ANO6: variants seen among roughly 807,000 people sequenced by gnomAD.
ANO6 encodes the protein anoctamin 6.
A neutral mutation model predicts 117.5 loss-of-function variants in ANO6; 106 were observed. The ratio of observed to expected loss-of-function variants is 0.90; its 90% CI spans 0.77 to 1.06. The LOEUF is 1.06. Among genes scored for constraint, ANO6 ranks in the 50% least tolerant of loss-of-function variants. The probability of loss-of-function intolerance (pLI) is 0.00; values close to 1 mark genes in which losing one functional copy is unlikely to be tolerated. For missense variants in ANO6, 955 were observed against 1,121.1 expected, an observed-to-expected ratio of 0.85 and a Z score of 2.12; for synonymous variants, 367 against 385.1, an observed-to-expected ratio of 0.95 and a Z score of 0.55.
At chr12:45,345,989 G>C (rs182077728) in intron 3 of ANO6, among the ~76,000 whole-genome samples, 1 of 139,008 alleles carries the variant, frequency 7.2e-6, no homozygotes, top group Non-Finnish European at 1.5e-5. Context: ...AAAATGGGGC[G>C]GGGGGGTTAG....
downstream of ANO6, among the ~76,000 whole-genome samples, chr12:45,434,275 G>A (rs1244788095): frequency 1.3e-5 from 2 of 152,120 alleles, no homozygotes; most frequent in African/African-American, 2.4e-5. Flanking sequence ...TGTCATTGTC[G>A]CTTGAGGTGA....
intron 1 of ANO6, among the ~76,000 whole-genome samples, chr12:45,225,834 T>C (rs550268555): frequency 6.6e-6 from 1 of 152,334 alleles, no homozygotes; most frequent in South Asian, 2.1e-4. Context: ...CTGATTATAA[T>C]GAATTCAGGG....
At chr12:45,353,122 T>G (rs1941324860) in intron 7 of ANO6, among the ~76,000 whole-genome samples, 7 of 149,272 alleles carry the variant, frequency 4.7e-5, no homozygotes. Context: ...AGTTGAGTAC[T>G]TATATCAGAA....
At chr12:45,288,878 G>C (rs1338181686) in intron 1 of ANO6, among the ~76,000 whole-genome samples, 4 of 152,016 alleles carry the variant, frequency 2.6e-5, no homozygotes, top group African/African-American at 9.7e-5. Flanking sequence ...CTCCCGAGTA[G>C]CTGGGACTAC....
rs199815153 is a variant in ANO6 at position 45,278,066 on chromosome 12, C to T, written c.71-23948C>T. Among the ~76,000 whole-genome samples the T allele has an allele frequency of 1.7e-4, 26 of 152,142 alleles. No homozygotes were observed. The East Asian group carries it at 4.4e-3, about 26-fold the overall frequency. ...CTCCTAGCTCAAGCTATCCTCCCCG[C>T]TCAAACCACCCTCCACCTCGTAGCT... On this transcript the variant is annotated intron_variant, in intron 1 of 19. Coordinates refer to ENST00000320560, the MANE Select transcript of ANO6 (RefSeq NM_001025356.3).
intron 2 of ANO6, among the ~76,000 whole-genome samples, chr12:45,312,597 AAAT>A (rs1312364152): frequency 6.6e-6 from 1 of 152,088 alleles, no homozygotes; most frequent in Non-Finnish European, 1.5e-5. Context: ...TTATTTTAAC[AAAT>A]AATAATAAAA....
At chr12:45,389,459 A>G (rs1942385008) in intron 11 of ANO6, among the ~76,000 whole-genome samples, 1 of 152,264 alleles carries the variant, frequency 6.6e-6, no homozygotes, top group Non-Finnish European at 1.5e-5. Context: ...AAAATACTGA[A>G]GAAAAGACAA....
intron 1 of ANO6, among the ~76,000 whole-genome samples, chr12:45,300,793 ATT>A (rs1939457530): frequency 6.6e-6 from 1 of 152,264 alleles, no homozygotes; most frequent in African/African-American, 2.4e-5. Flanking sequence ...CAAAAATTCT[ATT>A]CAAATTTTTG....
chr12:45,287,077 T>C (rs527329172), intron 1 of ANO6, among the ~76,000 whole-genome samples: 37 of 152,304 alleles, frequency 2.4e-4, no homozygotes, highest in African/African-American at 6.5e-4. Flanking sequence ...TCTCTACTCT[T>C]ATGGAACTTA....
chr12:45,414,843 A>C (rs1313959390), intron 16 of ANO6, among the ~76,000 whole-genome samples: 2 of 151,958 alleles, frequency 1.3e-5, no homozygotes, highest in African/African-American at 4.8e-5. Context: ...GGCTCACTGC[A>C]ACCTCCGCCT....
chr12:45,245,555 T>C (rs930515937), intron 1 of ANO6, among the ~76,000 whole-genome samples: 1 of 152,066 alleles, frequency 6.6e-6, no homozygotes, highest in Non-Finnish European at 1.5e-5. Flanking sequence ...AGGCATTTTT[T>C]TTTCCATCTA....
At chr12:45,408,761 G>A (rs917143386) in intron 15 of ANO6, among the ~76,000 whole-genome samples, 2 of 152,054 alleles carry the variant, frequency 1.3e-5, no homozygotes, top group African/African-American at 2.4e-5. Flanking sequence ...CCTACCCTGC[G>A]TGCTGTCTGT....
At chr12:45,428,776 C>T (rs1156875063) in intron 19 of ANO6, among the ~76,000 whole-genome samples, 7 of 152,140 alleles carry the variant, frequency 4.6e-5, no homozygotes, top group Admixed American at 4.6e-4. Context: ...AAAAGAGACA[C>T]AAAATACAAC....
intron 1 of ANO6, among the ~76,000 whole-genome samples, chr12:45,297,249 C>T (rs1939324644): frequency 6.6e-6 from 1 of 152,172 alleles, no homozygotes. Flanking sequence ...TCATTGGACC[C>T]AACCACCTGC....
At chr12:45,295,272 A>G (rs1389430009) in intron 1 of ANO6, among the ~76,000 whole-genome samples, 1 of 152,242 alleles carries the variant, frequency 6.6e-6, no homozygotes, top group African/African-American at 2.4e-5. Flanking sequence ...ATACTCTGCA[A>G]GCCTACAACC....
chr12:45,301,896 T>G (rs1457629572), intron 1 of ANO6, 118 bp from the exon 2 acceptor site: 2 of 837,318 alleles, frequency 2.4e-6, no homozygotes, highest in South Asian at 1.4e-5. Flanking sequence ...TTAAATAATA[T>G]AAACCTGTCA....
At chr12:45,382,293 A>G (rs148378367) in intron 10 of ANO6, among the ~76,000 whole-genome samples, 2 of 152,306 alleles carry the variant, frequency 1.3e-5, no homozygotes, top group East Asian at 3.9e-4. Context: ...CTATCGGAAA[A>G]ATAAGAAACC....
intron 10 of ANO6, among the ~76,000 whole-genome samples, chr12:45,379,945 T>A (rs560909261): frequency 3.9e-5 from 6 of 152,354 alleles, no homozygotes; most frequent in African/African-American, 1.2e-4. Context: ...CTTTGAGAAC[T>A]ACTGCTGTGA....
chr12:45,407,814 G>A (rs999088606), intron 15 of ANO6, among the ~76,000 whole-genome samples: 7 of 152,124 alleles, frequency 4.6e-5, no homozygotes, highest in African/African-American at 1.4e-4. Context: ...GGGCAATGTA[G>A]GTTTTATCAC....
Sources: allele counts gnomAD v4.1 joint callset (sites outside exome capture counted in the v4.1 genomes callset), GRCh38; gene constraint gnomAD v4.1.1; transcripts MANE v1.5; gene names NCBI Gene and HGNC (gene_info 2026-07-23, HGNC 2026-07-21).